SLC2A13: variants seen among roughly 807,000 people sequenced by gnomAD.
The protein encoded by SLC2A13 is solute carrier family 2 member 13, also known as proton myo-inositol cotransporter.
In SLC2A13, 32 loss-of-function variants were observed where a neutral mutation model predicts 64.4. The ratio of observed to expected loss-of-function variants is 0.50; its 90% CI spans 0.37 to 0.67. The LOEUF (loss-of-function observed/expected upper bound fraction) is 0.67. SLC2A13 is among the 30% of genes least tolerant of loss of function. SLC2A13 has a pLI of 0.00. For synonymous variants in SLC2A13, 338 were observed against 327.1 expected, an observed-to-expected ratio of 1.03 and a Z score of -0.36; for missense variants, 743 against 829.2, an observed-to-expected ratio of 0.90 and a Z score of 1.28.
intron 3 of SLC2A13, among the ~76,000 whole-genome samples, chr12:40,022,152 T>G (rs1172523347): frequency 6.6e-6 from 1 of 152,176 alleles, no homozygotes; most frequent in African/African-American, 2.4e-5. Context: ...AGCTCCTGAA[T>G]AAGTTCTCTT....
chr12:39,832,706 C>T (rs1942888483), intron 6 of SLC2A13, among the ~76,000 whole-genome samples: 1 of 74,080 alleles, frequency 1.3e-5, no homozygotes, highest in African/African-American at 8.1e-5. Context: ...TTAACTGACC[C>T]CTCTACTTGC....
At chr12:40,072,858 C>A (rs1463578328) in intron 1 of SLC2A13, among the ~76,000 whole-genome samples, 1 of 152,044 alleles carries the variant, frequency 6.6e-6, no homozygotes, top group Admixed American at 6.6e-5. Context: ...CACTGACCTT[C>A]GAAGTGATTA....
At chr12:39,776,595 G>C (rs766493034) in intron 7 of SLC2A13, among the ~76,000 whole-genome samples, 1 of 152,236 alleles carries the variant, frequency 6.6e-6, no homozygotes, top group African/African-American at 2.4e-5. Context: ...TGCAATAGAA[G>C]CCATGAGGTA....
At chr12:40,028,620 C>T in intron 2 of SLC2A13, 111 bp from the exon 3 acceptor site, 1 of 1,008,398 alleles carries the variant, frequency 9.9e-7, no homozygotes, top group Non-Finnish European at 1.4e-6. Context: ...TGAAGTTAGC[C>T]AGAATTATTT....
intron 4 of SLC2A13, among the ~76,000 whole-genome samples, chr12:39,881,166 T>C (rs1404690238): frequency 2.6e-5 from 4 of 152,240 alleles, no homozygotes; most frequent in Non-Finnish European, 4.4e-5. Context: ...GGTTGAGTTA[T>C]TTTAAAAGTT....
intron 4 of SLC2A13, among the ~76,000 whole-genome samples, chr12:39,943,753 CTG>C (rs1946082821): frequency 6.6e-6 from 1 of 152,220 alleles, no homozygotes. Context: ...CCATGAGGGA[CTG>C]TGCCATGAAG....
In SLC2A13 at chr12:40,028,642, T is replaced by C. The variant is rs1165749005; in HGVS notation, c.717-133A>G. ...AGCCAGAATTATTTGTGCATTTATGTGTGTGTCTGTCACTAGGAAAAAAGG... is the reference window on the plus strand; with the variant it reads ...AGCCAGAATTATTTGTGCATTTATGCGTGTGTCTGTCACTAGGAAAAAAGG... On this transcript the variant is annotated intron_variant, in intron 2 of 9. Coordinates refer to ENST00000280871, the MANE Select transcript of SLC2A13 (RefSeq NM_052885.4). 17 of 784,114 alleles carry C rather than the reference T, an allele frequency of 2.2e-5. No individual in the cohort carries two copies. In the Admixed American group the frequency reaches 4.5e-4, roughly 21 times the overall value. The allele number at this position is 784,114 out of a possible 1,614,324, so 48.6% of individuals were successfully genotyped here.
At position 39,909,041 on chromosome 12, in the gene SLC2A13, C is replaced by T. The variant is rs146937750; in HGVS notation, c.1035-37080G>A. On this transcript the variant is annotated intron_variant, in intron 4 of 9. Transcript: ENST00000280871. ...TTAAAAGGGTATAATTTCATGGGAG[C>T]AGAGGCAAGTTGTGCTCACAAGGAA... Among the ~76,000 whole-genome samples, 14 of 151,858 alleles carry T rather than the reference C, an allele frequency of 9.2e-5. 1 individual carries two copies. The East Asian group carries it at 2.7e-3, about 29-fold the overall frequency.
chr12:39,920,690 T>C (rs1945600160), intron 4 of SLC2A13, among the ~76,000 whole-genome samples: 1 of 152,064 alleles, frequency 6.6e-6, no homozygotes, highest in Non-Finnish European at 1.5e-5. Context: ...TACTGCACTT[T>C]ACCAAGTTCC....
At chr12:39,933,572 C>CTACTG (rs1363463263) in intron 4 of SLC2A13, among the ~76,000 whole-genome samples, 26 of 152,156 alleles carry the variant, frequency 1.7e-4, no homozygotes, top group South Asian at 4.1e-4. Context: ...AAGGTACATA[C>CTACTG]TACTTAACAG....
chr12:40,081,007 TAAGGCTGCTGAATATA>T (rs564615585), intron 1 of SLC2A13, among the ~76,000 whole-genome samples: 76 of 152,322 alleles, frequency 5.0e-4, no homozygotes, highest in African/African-American at 1.6e-3. Context: ...TTCTTTTCTT[TAAGGCTGCTGAATATA>T]AGCCCCCCAA....
intron 9 of SLC2A13, among the ~76,000 whole-genome samples, chr12:39,760,947 C>T (rs915380332): frequency 6.7e-6 from 1 of 148,768 alleles, no homozygotes; most frequent in Admixed American, 6.7e-5. Context: ...AAACCTGTCT[C>T]TACCAAACAC....
At chr12:39,871,543 A>G (rs1391473622) in intron 5 of SLC2A13, among the ~76,000 whole-genome samples, 2 of 152,186 alleles carry the variant, frequency 1.3e-5, no homozygotes, top group Non-Finnish European at 2.9e-5. Context: ...CTCAAGTAAC[A>G]GAAAAATGTT....
At chr12:39,793,805 TAAGC>T (rs1941483784) in intron 7 of SLC2A13, among the ~76,000 whole-genome samples, 1 of 152,106 alleles carries the variant, frequency 6.6e-6, no homozygotes, top group African/African-American at 2.4e-5. Flanking sequence ...GTCATTAATC[TAAGC>T]AGTGACATAA....
rs1946581861 is a variant in SLC2A13 at position 39,968,763 on chromosome 12, TATATATATATATA to T, written c.926-17411_926-17399del. Among the ~76,000 whole-genome samples the T allele has an allele frequency of 7.5e-4, 82 of 108,852 alleles. 2 individuals carry two copies. The highest frequency in any genetic ancestry group is 9.9e-4 in the Admixed American group (11 of 11,158). 71.4% of individuals were successfully genotyped at this position (108,852 alleles called of 152,430 possible). ...TTATTTTTGTTGTTTTTTTTTGGTA[TATATATATATATA>T]TATATATATATATATATATATATAT... On this transcript the variant is annotated intron_variant, in intron 3 of 9. Coordinates refer to ENST00000280871, the MANE Select transcript of SLC2A13 (RefSeq NM_052885.4).
Position 39,918,362 on chromosome 12 carries a change from C to CTTT in SLC2A13, c.1034+32892_1034+32894dup, listed in dbSNP as rs5797644. On this transcript the variant is annotated intron_variant, in intron 4 of 9. Transcript: ENST00000280871. ...GAATGTATAACAGAACAGAAGTTTC[C>CTTT]TTTTTTTTTTTTTTTCGGTACGAAA... Among the ~76,000 whole-genome samples the CTTT allele has an allele frequency of 3.1e-4, 46 of 147,296 alleles. 5 individuals carry two copies. Among genetic ancestry groups the CTTT allele is most frequent in the Admixed American group, 1.2e-3 (18 of 14,752 alleles).
chr12:39,853,798 C>A (rs1263265069), intron 6 of SLC2A13, among the ~76,000 whole-genome samples: 2 of 151,930 alleles, frequency 1.3e-5, no homozygotes, highest in Non-Finnish European at 2.9e-5. Context: ...GTGCAGCAAC[C>A]CAGAATTTCA....
intron 7 of SLC2A13, among the ~76,000 whole-genome samples, chr12:39,789,118 A>G (rs1320661831): frequency 6.6e-6 from 1 of 152,138 alleles, no homozygotes; most frequent in African/African-American, 2.4e-5. Flanking sequence ...CTATATCATT[A>G]TCAGATTTTA....
rs569385567 is a variant in SLC2A13, at chr12:40,068,281, C to T, written c.557-20071G>A. On this transcript the variant is annotated intron_variant, in intron 1 of 9. Coordinates refer to ENST00000280871, the MANE Select transcript of SLC2A13 (RefSeq NM_052885.4). Reference sequence around the variant, plus strand: ...GTATCTTCTGGCATGCTTCTAAAGACATCAGAATAACCTGGATCAATGATA... The same window carrying T: ...GTATCTTCTGGCATGCTTCTAAAGATATCAGAATAACCTGGATCAATGATA... 1.3e-3 allele frequency: 514 copies of T among 389,400 alleles called. 5 individuals are homozygous for T. The highest frequency in any genetic ancestry group is 1.9e-3 in the Non-Finnish European group (371 of 199,364). The allele number at this position is 389,400 out of a possible 1,614,324, so 24.1% of individuals were successfully genotyped here.
Sources: gnomAD v4.1 joint callset for allele counts (sites outside exome capture counted in the v4.1 genomes callset) on GRCh38, gnomAD v4.1.1 for gene constraint, MANE v1.5 for transcripts, NCBI Gene and HGNC (gene_info 2026-07-23, HGNC 2026-07-21) for gene names.